PCDHGB6: variants seen among roughly 807,000 people sequenced by gnomAD.
PCDHGB6 encodes protocadherin gamma subfamily B, 6, also known as protocadherin gamma-B6.
PCDHGB6 carries 51 observed loss-of-function variants against 59.1 expected under a neutral mutation model. That is an observed-to-expected ratio of 0.86 (90% CI 0.69 to 1.09). PCDHGB6 has a LOEUF of 1.09. Among genes scored for constraint, PCDHGB6 ranks in the 50% least tolerant of loss-of-function variants. PCDHGB6 has a pLI of 0.00. For synonymous variants in PCDHGB6, 466 were observed against 495.1 expected (o/e 0.94, Z 0.78); for missense variants, 1,148 against 1,205.1 (o/e 0.95, Z 0.70).
In PCDHGB6 at chr5:141,490,028, G is replaced by A. The variant is rs752883792; in HGVS notation, c.2419-4779G>A. ...GCACCCATTGGTACTCTGCTGCTCC[G>A]CCTCAATGCCACTGATCCAGACGAG... On this transcript the variant is annotated intron_variant, in intron 1 of 3. Coordinates refer to ENST00000520790, the MANE Select transcript of PCDHGB6 (RefSeq NM_018926.3). The surrounding 1 kb of genome is among the most constrained non-coding windows in gnomAD (Gnocchi z 5.4). 20 of 1,614,070 alleles carry A rather than the reference G, an allele frequency of 1.2e-5. 1 individual carries two copies. Among genetic ancestry groups the A allele is most frequent in the South Asian group, 3.3e-5 (3 of 91,090 alleles).
At chr5:141,410,851 T>A in intron 1 of PCDHGB6, 3 of 207,068 alleles carry the variant, frequency 1.4e-5, no homozygotes, top group Non-Finnish European at 1.7e-5. Flanking sequence ...GTCTTTGTCT[T>A]TTTTTTTTTT....
chr5:141,412,170 A>G (rs1015665615), intron 1 of PCDHGB6: 2 of 152,230 alleles, frequency 1.3e-5, no homozygotes, highest in Non-Finnish European at 1.5e-5. Context: ...GATTATTTAT[A>G]CTGGTATTAA....
chr5:141,487,802 C>G lies in PCDHGB6; in HGVS notation c.2419-7005C>G. On this transcript the variant is annotated intron_variant, in intron 1 of 3. Transcript: ENST00000520790. The surrounding 1 kb of genome is among the most constrained non-coding windows in gnomAD (Gnocchi z 5.0). ...TTTCGTGAATTAACCAGAGTTGTCACAGTTTAGCATTGGGGGCGGGTCATG... is the reference window on the plus strand; with the variant it reads ...TTTCGTGAATTAACCAGAGTTGTCAGAGTTTAGCATTGGGGGCGGGTCATG... 6.8e-7 allele frequency: 1 copy of G among 1,477,424 alleles called. No homozygotes were observed. The allele number at this position is 1,477,424 out of a possible 1,614,324, so 91.5% of individuals were successfully genotyped here.
At position 141,430,895 on chromosome 5, in the gene PCDHGB6, G is replaced by A. The variant is rs775296800; in HGVS notation, c.2418+20275G>A. 6.9e-6 allele frequency: 11 copies of A among 1,605,692 alleles called. No individual in the cohort carries two copies. The Admixed American group carries it at 1.0e-4, about 15-fold the overall frequency. ...AGAGCTGGAGAAAGGCTCTAGGGTG[G>A]GCGACATCTCCAGGGACCTGGGGCT... On this transcript the variant is annotated intron_variant, in intron 1 of 3. Coordinates refer to ENST00000520790, the MANE Select transcript of PCDHGB6 (RefSeq NM_018926.3).
chr5:141,426,865 T>G (rs2096965950), intron 1 of PCDHGB6: 1 of 456,600 alleles, frequency 2.2e-6, no homozygotes, highest in African/African-American at 2.0e-5. Flanking sequence ...GAATTAGTGC[T>G]GGAGAAGCCC....
chr5:141,438,685 G>A (rs2098051190), intron 1 of PCDHGB6, among the ~76,000 whole-genome samples: 1 of 143,314 alleles, frequency 7.0e-6, no homozygotes, highest in Non-Finnish European at 1.5e-5. Context: ...GTAGGGGATG[G>A]AGTCTTGCTC....
At chr5:141,420,353 G>C (rs1281948860) in intron 1 of PCDHGB6, 1 of 1,382,260 alleles carries the variant, frequency 7.2e-7, no homozygotes, top group African/African-American at 1.5e-5. Context: ...ATTATTTTAA[G>C]ATTCTAGATA....
chr5:141,423,516 C>T (rs2096749721), intron 1 of PCDHGB6: 1 of 1,613,732 alleles, frequency 6.2e-7, no homozygotes, highest in Non-Finnish European at 8.5e-7. Flanking sequence ...TCATTGCGGA[C>T]TCGCAGAAGA....
At chr5:141,503,263 C>T (rs2099818883) in intron 2 of PCDHGB6, among the ~76,000 whole-genome samples, 2 of 152,212 alleles carry the variant, frequency 1.3e-5, no homozygotes, top group South Asian at 4.2e-4. Context: ...GCCACAACCC[C>T]AGCACCTGGC....
Position 141,486,886 on chromosome 5 carries a change from G to A in PCDHGB6, c.2419-7921G>A. The A allele has an allele frequency of 1.9e-6, 3 of 1,614,222 alleles. No individual in the cohort carries two copies. The highest frequency in any genetic ancestry group is 2.5e-6 in the Non-Finnish European group (3 of 1,180,044). ...CAGCTGTGCTCCGTCCTCGGGCCCGGCCTGGTTCCTTATGTCCCCAAGCAC... is the reference window on the plus strand; with the variant it reads ...CAGCTGTGCTCCGTCCTCGGGCCCGACCTGGTTCCTTATGTCCCCAAGCAC... On this transcript the variant is annotated intron_variant, in intron 1 of 3. Coordinates refer to ENST00000520790, the MANE Select transcript of PCDHGB6 (RefSeq NM_018926.3). This position sits in a 1 kb window ranked among gnomAD's most constrained non-coding sequence, Gnocchi z 5.0.
At position 141,450,006 on chromosome 5, in the gene PCDHGB6, C is replaced by CTATTTTTTTTTTT. The variant is rs70988802; in HGVS notation, c.2418+39387_2418+39388insATTTTTTTTTTTT. Among the ~76,000 whole-genome samples, 4 of 132,982 alleles carry CTATTTTTTTTTTT rather than the reference C, an allele frequency of 3.0e-5. 1 individual carries two copies. The highest frequency in any genetic ancestry group is 5.6e-5 in the African/African-American group (2 of 35,576). 87.2% of individuals were successfully genotyped at this position (132,982 alleles called of 152,430 possible). A position where few individuals can be genotyped will look rare whatever the true frequency, so the allele number is the denominator to read the frequency against. Reference sequence around the variant, plus strand: ...CACATTGCATTTAGTTGCCATGTCTCTTTTTTTTTTTTTTTTTTGAGACAG... The same window carrying CTATTTTTTTTTTT: ...CACATTGCATTTAGTTGCCATGTCTCTATTTTTTTTTTTTTTTTTTTTTTTTTTTTTGAGACAG... On this transcript the variant is annotated intron_variant, in intron 1 of 3. Transcript: ENST00000520790.
At chr5:141,433,220 T>C (rs781745522) in intron 1 of PCDHGB6, 1 of 1,509,734 alleles carries the variant, frequency 6.6e-7, no homozygotes, top group South Asian at 1.2e-5. Flanking sequence ...TTTTTTTTTT[T>C]AATTGCTCTG....
intron 1 of PCDHGB6, chr5:141,414,409 A>G: frequency 1.2e-6 from 2 of 1,613,870 alleles, no homozygotes; most frequent in Non-Finnish European, 8.5e-7. Flanking sequence ...GGTGATACAC[A>G]GAGCCCTTGA....
chr5:141,452,148 T>C (rs1294195346), intron 1 of PCDHGB6, among the ~76,000 whole-genome samples: 1 of 152,228 alleles, frequency 6.6e-6, no homozygotes, highest in Non-Finnish European at 1.5e-5. Flanking sequence ...TTTTTTCCAA[T>C]GAGTTATATT....
intron 1 of PCDHGB6, among the ~76,000 whole-genome samples, chr5:141,492,148 G>C (rs2099737507): frequency 6.6e-6 from 1 of 152,202 alleles, no homozygotes; most frequent in Admixed American, 6.5e-5. Flanking sequence ...TGACTTCACT[G>C]TTACCCTCCC....
In PCDHGB6 at chr5:141,485,027, G is replaced by A. The variant is rs1594439784; in HGVS notation, c.2419-9780G>A. ...AATCTACCCCGCCACCAGCAAAAAC[G>A]GCGCGTAACCCTTGCGGCGCCGGCC... is the stretch of plus-strand genomic sequence containing the variant. On this transcript the variant is annotated intron_variant, in intron 1 of 3. Coordinates refer to ENST00000520790, the MANE Select transcript of PCDHGB6 (RefSeq NM_018926.3). The surrounding 1 kb of genome is among the most constrained non-coding windows in gnomAD (Gnocchi z 5.7). 1.5e-6 allele frequency: 1 copy of A among 662,546 alleles called. No individual in the cohort carries two copies. Among genetic ancestry groups the A allele is most frequent in the South Asian group, 1.9e-5 (1 of 53,596 alleles). The allele number at this position is 662,546 out of a possible 1,614,324, so 41.0% of individuals were successfully genotyped here.
At chr5:141,447,773 T>C (rs2098551408) in intron 1 of PCDHGB6, among the ~76,000 whole-genome samples, 1 of 152,202 alleles carries the variant, frequency 6.6e-6, no homozygotes, top group African/African-American at 2.4e-5. Context: ...AATTATACTT[T>C]AATTGAAAAT....
rs2097721634 is a variant in PCDHGB6, at chr5:141,434,835, A to G, written c.2418+24215A>G. On this transcript the variant is annotated intron_variant, in intron 1 of 3. Coordinates refer to ENST00000520790, the MANE Select transcript of PCDHGB6 (RefSeq NM_018926.3). ...ATATCCCTTAGTACACTTGGCATTT[A>G]TAAAGCAGACATCAATAAATTTATA... 2.0e-5 allele frequency among the ~76,000 whole-genome samples: 3 copies of G among 151,972 alleles called. 1 individual carries two copies. In the South Asian group the frequency reaches 6.2e-4, roughly 32 times the overall value.
At position 141,476,321 on chromosome 5, in the gene PCDHGB6, G is replaced by A; in HGVS notation, c.2419-18486G>A. 1 of 1,614,196 alleles carries A rather than the reference G, an allele frequency of 6.2e-7. No homozygotes were observed. The highest frequency in any genetic ancestry group is 1.3e-5 in the African/African-American group (1 of 75,054). ...CCTCTCAGCCCGCAGGTTCCGGGTG[G>A]TGTCTGGAGCTAGCCGAAGATTCTT... On this transcript the variant is annotated intron_variant, in intron 1 of 3. Coordinates refer to ENST00000520790, the MANE Select transcript of PCDHGB6 (RefSeq NM_018926.3). The surrounding 1 kb of genome is among the most constrained non-coding windows in gnomAD (Gnocchi z 7.6).
Sources: gnomAD v4.1 joint callset for allele counts (sites outside exome capture counted in the v4.1 genomes callset) on GRCh38, gnomAD v4.1.1 for gene constraint, Gnocchi (gnomAD v3.1) non-coding constraint, MANE v1.5 for transcripts, NCBI Gene and HGNC (gene_info 2026-07-23, HGNC 2026-07-21) for gene names.